ZNF672: variants seen among roughly 807,000 people sequenced by gnomAD.
ZNF672 encodes the protein hypothetical protein FLJ22301.
For missense variants in ZNF672, 733 were observed against 701.1 expected, an observed-to-expected ratio of 1.05 and a Z score of -0.51; for synonymous variants, 358 against 305.6, an observed-to-expected ratio of 1.17 and a Z score of -1.79.
In ZNF672 at chr1:248,847,059, G is replaced by A. The variant is rs1260659498; in HGVS notation, c.-216G>A. The A allele has an allele frequency of 1.6e-6, 1 of 613,296 alleles. No individual in the cohort carries two copies. Among genetic ancestry groups the A allele is most frequent in the Non-Finnish European group, 2.8e-6 (1 of 355,124 alleles). The allele number at this position is 613,296 out of a possible 1,614,324, so 38.0% of individuals were successfully genotyped here. ...ATGACCTTCTCCCCACAGGCTCACGGTGCAGGGTGAACCTGGCCACAGCTC... is the reference window on the plus strand; with the variant it reads ...ATGACCTTCTCCCCACAGGCTCACGATGCAGGGTGAACCTGGCCACAGCTC... On this transcript the variant is annotated 5_prime_UTR_variant, in exon 4 of 4. It adds an upstream start codon to the 5' untranslated region. Transcript: ENST00000306562.
intron 1 of ZNF672, among the ~76,000 whole-genome samples, chr1:248,841,229 A>C (rs1273850780): frequency 6.6e-6 from 1 of 152,240 alleles, no homozygotes; most frequent in Non-Finnish European, 1.5e-5. Context: ...GGAAAATTGG[A>C]TTCCAGACTA....
At position 248,847,703 on chromosome 1, in the gene ZNF672, C is replaced by T. The variant is rs1659199160; in HGVS notation, c.429C>T (p.Leu143=). The T allele has an allele frequency of 2.1e-6, 3 of 1,461,700 alleles. No homozygotes were observed. The highest frequency in any genetic ancestry group is 2.6e-5 in the East Asian group (1 of 39,162). 90.5% of individuals were successfully genotyped at this position (1,461,700 alleles called of 1,614,324 possible). A position where few individuals can be genotyped will look rare whatever the true frequency, so the allele number is the denominator to read the frequency against. ...GCACCTTCCGGCAGAGCGCGCTGCTCTTCCACCAGGCGCGGGCGCACCCCT... is the reference window on the plus strand; with the variant it reads ...GCACCTTCCGGCAGAGCGCGCTGCTTTTCCACCAGGCGCGGGCGCACCCCT... The part of the protein sequence containing the change: ...CARTFRQSAL[L]FHQARAHPLG... Residue 143 remains leucine (L), a synonymous_variant, in exon 4 of 4, where the codon CTC becomes CTT. Transcript: ENST00000306562.
At position 248,848,322 on chromosome 1, in the gene ZNF672, T is replaced by C. The variant is rs1659235064; in HGVS notation, c.1048T>C (p.Cys350Arg). The C allele has an allele frequency of 5.0e-6, 8 of 1,601,942 alleles. No individual in the cohort carries two copies. The highest frequency in any genetic ancestry group is 6.8e-6 in the Non-Finnish European group (8 of 1,179,730). The change falls in exon 4 of 4, where the codon TGC (cysteine) becomes CGC (arginine). Residue 350 changes from cysteine to arginine, a missense_variant. By Grantham distance (180) the Cys-to-Arg change is radical. Transcript: ENST00000306562. ...CGAACTGTGCGGCAAGCGGTTCACGTGCGTGTCCAATCTCAACGTGCATCG... is the reference window on the plus strand; with the variant it reads ...CGAACTGTGCGGCAAGCGGTTCACGCGCGTGTCCAATCTCAACGTGCATCG... ...RCELCGKRFT[C>R]VSNLNVHRRN...
chr1:248,846,265 TC>T (rs1664759511), intron 3 of ZNF672, among the ~76,000 whole-genome samples: 1 of 152,230 alleles, frequency 6.6e-6, no homozygotes, highest in Admixed American at 6.5e-5. Flanking sequence ...CCCTTGATTC[TC>T]CCCAGCCTTT....
rs2511 is a variant in ZNF672, at chr1:248,849,447, G to T, written c.*814G>T. Reference sequence around the variant, plus strand: ...GGAGCCACCAGCAGGGAGAGGGCAGGATGGAAAATCCCCTGGAGCCGGTCA... The same window carrying T: ...GGAGCCACCAGCAGGGAGAGGGCAGTATGGAAAATCCCCTGGAGCCGGTCA... On this transcript the variant is annotated 3_prime_UTR_variant, in exon 4 of 4. Coordinates refer to ENST00000306562, the MANE Select transcript of ZNF672 (RefSeq NM_024836.3). 0.097 allele frequency: 26,941 copies of T among 276,508 alleles called. 1,510 individuals are homozygous for T. Among genetic ancestry groups the T allele is most frequent in the East Asian group, 0.21 (2,159 of 10,204 alleles). 17.1% of individuals were successfully genotyped at this position (276,508 alleles called of 1,614,324 possible).
At chr1:248,844,172 T>C (rs1664721289) in intron 1 of ZNF672, among the ~76,000 whole-genome samples, 1 of 152,226 alleles carries the variant, frequency 6.6e-6, no homozygotes, top group African/African-American at 2.4e-5. Context: ...CTATTATAGA[T>C]ATTGGTTTTT....
intron 1 of ZNF672, among the ~76,000 whole-genome samples, chr1:248,843,738 A>G (rs968094858): frequency 4.6e-5 from 7 of 152,216 alleles, no homozygotes; most frequent in African/African-American, 1.7e-4. Flanking sequence ...CATATAATCA[A>G]TGCTAAACAT....
intron 1 of ZNF672, among the ~76,000 whole-genome samples, chr1:248,842,548 C>G (rs900035575): frequency 1.3e-5 from 2 of 151,922 alleles, no homozygotes; most frequent in Non-Finnish European, 2.9e-5. Flanking sequence ...CAGGGGTGGC[C>G]TCTCTGAGAA....
At chr1:248,842,321 G>C (rs958985099) in intron 1 of ZNF672, among the ~76,000 whole-genome samples, 13 of 152,144 alleles carry the variant, frequency 8.5e-5, no homozygotes, top group African/African-American at 3.1e-4. Flanking sequence ...TCGTGATCCA[G>C]ATACATTCTT....
chr1:248,847,222 G>T lies in ZNF672; in HGVS notation c.-53G>T. The T allele has an allele frequency of 6.4e-7, 1 of 1,567,274 alleles. No homozygotes were observed. Among genetic ancestry groups the T allele is most frequent in the East Asian group, 2.3e-5 (1 of 43,752 alleles). On this transcript the variant is annotated 5_prime_UTR_variant, in exon 4 of 4. Transcript: ENST00000306562. Reference sequence around the variant, plus strand: ...AAGTAAAACTTAGCTGCAGCGTCAGGAGGTGGACCCCAGAGTGTGAGTGGC... The same window carrying T: ...AAGTAAAACTTAGCTGCAGCGTCAGTAGGTGGACCCCAGAGTGTGAGTGGC...
Position 248,848,786 on chromosome 1 carries a change from G to A in ZNF672, c.*153G>A. The A allele has an allele frequency of 8.8e-7, 1 of 1,137,182 alleles. No individual in the cohort carries two copies. Among genetic ancestry groups the A allele is most frequent in the East Asian group, 2.6e-5 (1 of 38,904 alleles). 70.4% of individuals were successfully genotyped at this position (1,137,182 alleles called of 1,614,324 possible). ...GTTTCTGTTGGCAGCCCTTCACGTA[G>A]CCTCCTGCCTCGCCTCTACACCTAC... On this transcript the variant is annotated 3_prime_UTR_variant, in exon 4 of 4. Transcript: ENST00000306562.
Position 248,847,230 on chromosome 1 carries a change from C to T in ZNF672, c.-45C>T. 6.4e-7 allele frequency: 1 copy of T among 1,574,244 alleles called. No individual in the cohort carries two copies. Among genetic ancestry groups the T allele is most frequent in the Non-Finnish European group, 8.7e-7 (1 of 1,152,120 alleles). Reference sequence around the variant, plus strand: ...CTTAGCTGCAGCGTCAGGAGGTGGACCCCAGAGTGTGAGTGGCACGCTTCC... The same window carrying T: ...CTTAGCTGCAGCGTCAGGAGGTGGATCCCAGAGTGTGAGTGGCACGCTTCC... On this transcript the variant is annotated 5_prime_UTR_variant, in exon 4 of 4. Transcript: ENST00000306562.
chr1:248,845,310 A>T (rs1664739699), intron 2 of ZNF672, among the ~76,000 whole-genome samples: 1 of 152,030 alleles, frequency 6.6e-6, no homozygotes. Context: ...AAATCATACT[A>T]ATCATACTCT....
At chr1:248,841,630 A>T (rs1360522312) in intron 1 of ZNF672, among the ~76,000 whole-genome samples, 1 of 152,190 alleles carries the variant, frequency 6.6e-6, no homozygotes, top group Non-Finnish European at 1.5e-5. Flanking sequence ...CTTTCAAAAG[A>T]ATATATTTGG....
At chr1:248,839,796 T>C (rs1224716371) in intron 1 of ZNF672, among the ~76,000 whole-genome samples, 1 of 141,958 alleles carries the variant, frequency 7.0e-6, no homozygotes, top group East Asian at 2.1e-4. Flanking sequence ...TGGAGTACAG[T>C]GGCGCGATCT....
rs1266835899 is a variant in ZNF672 at position 248,849,483 on chromosome 1, C to T, written c.*850C>T. On this transcript the variant is annotated 3_prime_UTR_variant, in exon 4 of 4. Coordinates refer to ENST00000306562, the MANE Select transcript of ZNF672 (RefSeq NM_024836.3). ...CCCTGGAGCCGGTCAACTTTTTGCT[C>T]ATGGCTAGTGAAATAAAGTTGTTTG... The T allele has an allele frequency of 3.7e-6, 1 of 272,780 alleles. No homozygotes were observed. The highest frequency in any genetic ancestry group is 7.6e-6 in the Non-Finnish European group (1 of 131,520). 16.9% of individuals were successfully genotyped at this position (272,780 alleles called of 1,614,324 possible).
rs1391264998 is a variant in ZNF672, at chr1:248,848,438, G to A, written c.1164G>A (p.Thr388=). The A allele has an allele frequency of 1.1e-5, 18 of 1,607,128 alleles. No homozygotes were observed. Among genetic ancestry groups the A allele is most frequent in the Non-Finnish European group, 1.4e-5 (16 of 1,179,122 alleles). The change falls in exon 4 of 4, where the codon ACG becomes ACA. Residue 388 remains threonine, a synonymous_variant. Coordinates refer to ENST00000306562, the MANE Select transcript of ZNF672 (RefSeq NM_024836.3). ...VASKLALHRK[T]HLGERPAECA... ...CCAAGCTTGCACTGCACCGCAAGAC[G>A]CACCTGGGCGAACGGCCAGCGGAGT...
chr1:248,848,653 G>T lies in ZNF672; in HGVS notation c.*20G>T, dbSNP rs770803412. 6.5e-6 allele frequency: 10 copies of T among 1,548,840 alleles called. No homozygotes were observed. The highest frequency in any genetic ancestry group is 2.4e-4 in the Middle Eastern group (1 of 4,136). ...TCCTAGTTGAGGGAGGCTTGCTGAGGCTTCTCTAAAGGTGGTTGGGCAAGC... is the reference window on the plus strand; with the variant it reads ...TCCTAGTTGAGGGAGGCTTGCTGAGTCTTCTCTAAAGGTGGTTGGGCAAGC... On this transcript the variant is annotated 3_prime_UTR_variant, in exon 4 of 4. Transcript: ENST00000306562.
chr1:248,844,858 G>A (rs896371855), intron 2 of ZNF672, among the ~76,000 whole-genome samples: 1 of 152,228 alleles, frequency 6.6e-6, no homozygotes, highest in Admixed American at 6.5e-5. Context: ...TGAGTCTCCA[G>A]GAAGTTTTTA....
Sources: gnomAD v4.1 joint callset for allele counts (sites outside exome capture counted in the v4.1 genomes callset) on GRCh38, gnomAD v4.1.1 for gene constraint, MANE v1.5 for transcripts, NCBI Gene and HGNC (gene_info 2026-07-23, HGNC 2026-07-21) for gene names.